The following MINDY4 variants were observed in gnomAD, a reference collection of about 807,000 sequenced individuals.
MINDY4 encodes probable ubiquitin carboxyl-terminal hydrolase MINDY-4.
A neutral mutation model predicts 87.0 loss-of-function variants in MINDY4; 68 were observed. The observed-to-expected ratio is 0.78, with a 90% CI of 0.64 to 0.96. The LOEUF (loss-of-function observed/expected upper bound fraction) is 0.96, where lower values mean the gene tolerates loss of function less well. MINDY4 is among the 40% of genes least tolerant of loss of function. The pLI, the probability that MINDY4 is intolerant of heterozygous loss-of-function variation, is 0.00. For missense variants in MINDY4, 919 were observed against 928.2 expected (o/e 0.99, Z 0.13); for synonymous variants, 379 against 363.2 (o/e 1.04, Z -0.50).
chr7:30,832,432 C>T (rs1788733334), intron 6 of MINDY4, among the ~76,000 whole-genome samples: 1 of 152,228 alleles, frequency 6.6e-6, no homozygotes, highest in Non-Finnish European at 1.5e-5. Flanking sequence ...TCACACATCT[C>T]TTTTCCTCCA....
chr7:30,850,522 G>A lies in MINDY4; in HGVS notation c.1514G>A (p.Arg505Gln), dbSNP rs550330270. Residue 505 changes from arginine (R) to glutamine (Q), a missense_variant, in exon 10 of 18, where the codon CGG becomes CAG. By Grantham distance (43) the Arg-to-Gln change is conservative. Coordinates refer to ENST00000265299, the MANE Select transcript of MINDY4 (RefSeq NM_032222.3). ...CTGGCCCTCGCAGACATTGTGTGGCGGGCAGGGGGCCGAGAGAGAGCCGTT... is the reference window on the plus strand; with the variant it reads ...CTGGCCCTCGCAGACATTGTGTGGCAGGCAGGGGGCCGAGAGAGAGCCGTT... ...LVLALADIVWRAGGRERAVVA... is the reference protein window; with the variant it reads ...LVLALADIVWQAGGRERAVVA... 3.4e-5 allele frequency: 55 copies of A among 1,609,960 alleles called. No homozygotes were observed. The South Asian group carries it at 3.4e-4, about 10-fold the overall frequency.
chr7:30,773,941 G>T (rs1246960332), intron 1 of MINDY4, among the ~76,000 whole-genome samples: 2 of 152,018 alleles, frequency 1.3e-5, no homozygotes, highest in Admixed American at 1.3e-4. Context: ...GCTCTTTTGC[G>T]CTTCTCTCCT....
In MINDY4 at chr7:30,859,067, T is replaced by C. The variant is rs1377274049; in HGVS notation, c.1678-190T>C. On this transcript the variant is annotated intron_variant, in intron 12 of 17. Transcript: ENST00000265299. ...CATCACCCTCGCTCTGCTGTCATTG[T>C]CATTCAGGTTGTTGCAATGTCCCAT... The C allele has an allele frequency of 4.2e-6, 3 of 716,846 alleles. No homozygotes were observed. In the East Asian group the frequency reaches 8.1e-5, roughly 19 times the overall value. 44.4% of individuals were successfully genotyped at this position (716,846 alleles called of 1,614,324 possible).
chr7:30,891,994 C>G lies in MINDY4; in HGVS notation c.2263C>G (p.Pro755Ala), dbSNP rs774475960. Residue 755 changes from proline (P) to alanine (A), a missense_variant, in exon 18 of 18, where the codon CCC (proline) becomes GCC (alanine). Physicochemically the swap from Pro to Ala is conservative, Grantham distance 27 (BLOSUM62 -1). Transcript: ENST00000265299. ...GASVNWNGSDPIL is the reference protein window; with the variant it reads ...GASVNWNGSDAIL ...ATCAGTGAACTGGAACGGCTCAGAC[C>G]CCATCCTGTGACCGTTGGATGTGGG... 25 of 1,614,046 alleles carry G rather than the reference C, an allele frequency of 1.5e-5. No individual in the cohort carries two copies. The highest frequency in any genetic ancestry group is 2.1e-5 in the Non-Finnish European group (25 of 1,180,034).
chr7:30,877,660 CTCTTCT>C (rs560853626), intron 15 of MINDY4, among the ~76,000 whole-genome samples: 9,270 of 143,610 alleles, frequency 0.065, 431 homozygotes, highest in South Asian at 0.17. Context: ...AAGCCCTTCC[CTCTTCT>C]TCTTCTTCTT....
intron 3 of MINDY4, among the ~76,000 whole-genome samples, chr7:30,783,581 G>A (rs962852749): frequency 6.6e-6 from 1 of 152,094 alleles, no homozygotes; most frequent in Non-Finnish European, 1.5e-5. Context: ...ACAACCTCTG[G>A]CATAAATGAA....
chr7:30,883,238 G>A (rs1790526581), intron 17 of MINDY4, among the ~76,000 whole-genome samples: 1 of 152,218 alleles, frequency 6.6e-6, no homozygotes, highest in South Asian at 2.1e-4. Context: ...ATGGTTGGGG[G>A]TGGGGGCTAA....
At chr7:30,850,918 AG>A (rs1789396043) in intron 10 of MINDY4, among the ~76,000 whole-genome samples, 1 of 152,262 alleles carries the variant, frequency 6.6e-6, no homozygotes, top group African/African-American at 2.4e-5. Context: ...ATAGCCCCTC[AG>A]GTTGAGTCAG....
intron 12 of MINDY4, among the ~76,000 whole-genome samples, chr7:30,857,157 G>A (rs920663591): frequency 3.3e-5 from 5 of 152,150 alleles, no homozygotes; most frequent in Admixed American, 6.5e-5. Flanking sequence ...CTGTGCCCCC[G>A]CATAGTCAGC....
At chr7:30,811,818 G>A (rs1451812045) in intron 5 of MINDY4, among the ~76,000 whole-genome samples, 1 of 152,086 alleles carries the variant, frequency 6.6e-6, no homozygotes, top group African/African-American at 2.4e-5. Flanking sequence ...ACCCTCTCAT[G>A]CGGACTCCCT....
intron 5 of MINDY4, among the ~76,000 whole-genome samples, chr7:30,794,995 C>G (rs1787441560): frequency 6.6e-6 from 1 of 152,188 alleles, no homozygotes; most frequent in Non-Finnish European, 1.5e-5. Context: ...GAAATTTTTA[C>G]TTACAACCCC....
rs1487034751 is a variant in MINDY4 at position 30,791,360 on chromosome 7, G to C, written c.859G>C (p.Ala287Pro). ...GACCGTAGAAAGGCAGAAAACCACT[G>C]CCAGCAGCCCTCCCCATCTGCCCAG... is the stretch of plus-strand genomic sequence containing the variant. Reference protein sequence around the residue: ...ELTVERQKTTASSPPHLPSKR... With the variant: ...ELTVERQKTTPSSPPHLPSKR... Residue 287 changes from alanine to proline, a missense_variant, in exon 5 of 18, where the codon GCC becomes CCC. By Grantham distance (27) the Ala-to-Pro change is conservative (BLOSUM62 -1). Transcript: ENST00000265299. 6.2e-7 allele frequency: 1 copy of C among 1,614,134 alleles called. No homozygotes were observed. The highest frequency in any genetic ancestry group is 2.2e-5 in the East Asian group (1 of 44,878).
chr7:30,823,490 T>C (rs886283814), intron 5 of MINDY4, among the ~76,000 whole-genome samples: 2 of 152,210 alleles, frequency 1.3e-5, no homozygotes, highest in Non-Finnish European at 2.9e-5. Flanking sequence ...TCCTTCCTCC[T>C]TCAGTAGCAG....
At chr7:30,883,113 G>C (rs961402467) in intron 17 of MINDY4, 120 bp downstream of exon 17, 5 of 925,276 alleles carry the variant, frequency 5.4e-6, no homozygotes, top group Non-Finnish European at 8.4e-6. Context: ...GATTCAAAGA[G>C]GTGTGGTGAT....
At chr7:30,886,324 A>T (rs767624216) in intron 17 of MINDY4, among the ~76,000 whole-genome samples, 8 of 152,126 alleles carry the variant, frequency 5.3e-5, no homozygotes, top group Non-Finnish European at 1.0e-4. Context: ...GCTCTCAGAG[A>T]GTTTGCCATC....
chr7:30,804,371 G>GT (rs1562536304), intron 5 of MINDY4, among the ~76,000 whole-genome samples: 1 of 152,198 alleles, frequency 6.6e-6, no homozygotes, highest in East Asian at 1.9e-4. Context: ...TCCCAATAAA[G>GT]TAAACAGTTT....
At chr7:30,835,384 G>A (rs541364549) in intron 6 of MINDY4, among the ~76,000 whole-genome samples, 42 of 152,286 alleles carry the variant, frequency 2.8e-4, no homozygotes, top group African/African-American at 9.1e-4. Flanking sequence ...CCCATGATTC[G>A]GTTATCTCTC....
chr7:30,884,384 C>T (rs192669022), intron 17 of MINDY4, among the ~76,000 whole-genome samples: 19 of 152,294 alleles, frequency 1.2e-4, no homozygotes, highest in Non-Finnish European at 2.1e-4. Context: ...CTTCTTTCGT[C>T]GGGAGGATTA....
At chr7:30,862,604 G>T (rs373398914) in intron 13 of MINDY4, among the ~76,000 whole-genome samples, 1 of 152,232 alleles carries the variant, frequency 6.6e-6, no homozygotes, top group Non-Finnish European at 1.5e-5. Flanking sequence ...GGGGCTAGCC[G>T]CTGGCAAAGG....
Sources: gnomAD v4.1 joint callset for allele counts (sites outside exome capture counted in the v4.1 genomes callset) on GRCh38, gnomAD v4.1.1 for gene constraint, MANE v1.5 for transcripts, NCBI Gene and HGNC (gene_info 2026-07-23, HGNC 2026-07-21) for gene names.